The following FAS variants were observed in gnomAD, a reference collection of about 807,000 sequenced individuals.
The protein encoded by FAS is Fas cell surface death receptor.
FAS carries 5 observed loss-of-function variants against 33.2 expected under a neutral mutation model. The ratio of observed to expected loss-of-function variants is 0.15; its 90% CI spans 0.08 to 0.32. The LOEUF is 0.32. Ranked by LOEUF, FAS falls within the 10% of genes least tolerant of loss-of-function variation. The pLI is 1.00. For missense variants in FAS, 339 were observed against 386.0 expected, an observed-to-expected ratio of 0.88 and a Z score of 1.02; for synonymous variants, 131 against 130.7, an observed-to-expected ratio of 1.00 and a Z score of -0.01.
intron 1 of FAS, among the ~76,000 whole-genome samples, chr10:88,970,828 C>A (rs999947877): frequency 1.3e-5 from 2 of 151,930 alleles, no homozygotes; most frequent in African/African-American, 4.8e-5. Context: ...TGTAACAAAC[C>A]TGCACGTTGT....
At chr10:88,972,824 C>T (rs1846479576) in intron 1 of FAS, among the ~76,000 whole-genome samples, 2 of 152,104 alleles carry the variant, frequency 1.3e-5, no homozygotes, top group African/African-American at 2.4e-5. Flanking sequence ...CAAAGTGAGA[C>T]CCCATTTATC....
upstream of FAS, among the ~76,000 whole-genome samples, chr10:88,988,431 TG>T (rs779787612): frequency 0.52 from 54,333 of 104,600 alleles, 11,990 homozygotes; most frequent in East Asian, 0.65. Context: ...TTTTTTTTTT[TG>T]TTTTGTTTTT....
At chr10:88,983,638 A>AAC (rs755182708), upstream of FAS, among the ~76,000 whole-genome samples, 3,622 of 102,368 alleles carry the variant, frequency 0.035, 129 homozygotes, top group African/African-American at 0.091. Context: ...AAAAAAAAAA[A>AAC]ACACACACAC....
Position 89,009,123 on chromosome 10 carries a change from T to C in FAS, c.443+126T>C, listed in dbSNP as rs531960089. 67 of 912,578 alleles carry C rather than the reference T, an allele frequency of 7.3e-5. No individual in the cohort carries two copies. In the East Asian group the frequency reaches 1.6e-3, roughly 22 times the overall value. 56.5% of individuals were successfully genotyped at this position (912,578 alleles called of 1,614,324 possible). On this transcript the variant is annotated intron_variant, in intron 4 of 8. Transcript: ENST00000652046. Reference sequence around the variant, plus strand: ...TAGTCCTGCTTTGCCTCCAAGCAACTAGATGACTGTTTGCTCATTTAAACA... The same window carrying C: ...TAGTCCTGCTTTGCCTCCAAGCAACCAGATGACTGTTTGCTCATTTAAACA...
At chr10:89,005,487 T>C (rs1306054549) in intron 2 of FAS, among the ~76,000 whole-genome samples, 1 of 152,170 alleles carries the variant, frequency 6.6e-6, no homozygotes, top group African/African-American at 2.4e-5. Context: ...ACTGCACACA[T>C]ATTTCATATA....
In FAS at chr10:89,015,414, T is replaced by G. The variant is rs1327849027; in HGVS notation, c.*964T>G. The G allele has an allele frequency of 1.5e-5, 8 of 531,104 alleles. No homozygotes were observed. The highest frequency in any genetic ancestry group is 9.3e-5 in the African/African-American group (5 of 53,730). 32.9% of individuals were successfully genotyped at this position (531,104 alleles called of 1,614,324 possible). A position where few individuals can be genotyped will look rare whatever the true frequency, so the allele number is the denominator to read the frequency against. On this transcript the variant is annotated 3_prime_UTR_variant, in exon 9 of 9. Transcript: ENST00000652046. Reference sequence around the variant, plus strand: ...CAAAGATGATAAAATAGATTCTTATTTTTCCCCCACCCCCGAAAATGTTCA... The same window carrying G: ...CAAAGATGATAAAATAGATTCTTATGTTTCCCCCACCCCCGAAAATGTTCA...
upstream of FAS, among the ~76,000 whole-genome samples, chr10:88,989,814 AG>A (rs1847058945): frequency 6.6e-6 from 1 of 152,210 alleles, no homozygotes; most frequent in South Asian, 2.1e-4. Flanking sequence ...ACGATGCCAA[AG>A]GAATACTGAA....
intron 1 of FAS, among the ~76,000 whole-genome samples, chr10:88,966,462 T>C (rs1248680761): frequency 6.6e-6 from 1 of 152,200 alleles, no homozygotes; most frequent in African/African-American, 2.4e-5. Context: ...CCTATTATTT[T>C]AATATCCTGT....
intron 2 of FAS, among the ~76,000 whole-genome samples, chr10:89,006,909 T>G (rs1427873493): frequency 6.6e-6 from 1 of 152,166 alleles, no homozygotes; most frequent in African/African-American, 2.4e-5. Flanking sequence ...AATGCAAATA[T>G]GTATATTATT....
chr10:89,006,121 T>C (rs1003467637), intron 2 of FAS, among the ~76,000 whole-genome samples: 3 of 152,386 alleles, frequency 2.0e-5, no homozygotes, highest in African/African-American at 7.2e-5. Context: ...TGGTTTACTG[T>C]ATCTCCATTA....
Position 88,964,286 on chromosome 10 carries a change from G to A in FAS, n.95-8896G>A, listed in dbSNP as rs576500479. 3.9e-5 allele frequency among the ~76,000 whole-genome samples: 6 copies of A among 152,248 alleles called. No individual in the cohort carries two copies. The South Asian group carries it at 8.3e-4, about 21-fold the overall frequency. ...AAGTTTATTAACAAATAGGCTTCAC[G>A]TATATATGGGAGATACCCAGGGAAT... On this transcript the variant is annotated intron_variant and non_coding_transcript_variant, in intron 1 of 3. Transcript: ENST00000688239.
chr10:88,983,572 A>G (rs145589162), upstream of FAS, among the ~76,000 whole-genome samples: 87 of 134,744 alleles, frequency 6.5e-4, no homozygotes, highest in East Asian at 5.8e-3. Flanking sequence ...CCTACTTTAC[A>G]GGGAGTTGTA....
chr10:88,989,887 C>A (rs762589773), upstream of FAS, among the ~76,000 whole-genome samples: 1 of 152,198 alleles, frequency 6.6e-6, no homozygotes, highest in Non-Finnish European at 1.5e-5. Context: ...ATGTCATTAT[C>A]CAAACATACC....
intron 6 of FAS, chr10:89,011,019 G>A (rs1848503548): frequency 4.6e-6 from 3 of 647,254 alleles, no homozygotes; most frequent in South Asian, 1.8e-5. Flanking sequence ...AACAGTTTTG[G>A]GGCATTGAGT....
chr10:88,976,071 A>G (rs1339197556), intron 2 of FAS, among the ~76,000 whole-genome samples: 1 of 152,192 alleles, frequency 6.6e-6, no homozygotes, highest in East Asian at 1.9e-4. Flanking sequence ...ACTATTATCA[A>G]TTAGTTATAG....
Position 89,007,638 on chromosome 10 carries a change from G to C in FAS, c.197-62G>C, listed in dbSNP as rs2031611. On this transcript the variant is annotated intron_variant, in intron 2 of 8. Coordinates refer to ENST00000652046, the MANE Select transcript of FAS (RefSeq NM_000043.6). ...TTTTATTGTCTGTCATCCCTCTATA[G>C]TTCCCACCCTGTTACCTGCCCGTGT... is the stretch of plus-strand genomic sequence containing the variant. The C allele has an allele frequency of 0.73, 1,169,693 of 1,596,690 alleles. 430,970 individuals are homozygous for C. Among genetic ancestry groups the C allele is most frequent in the East Asian group, 0.96 (42,601 of 44,214 alleles).
intron 1 of FAS, among the ~76,000 whole-genome samples, chr10:88,966,118 A>C (rs1406231945): frequency 6.6e-6 from 1 of 152,202 alleles, no homozygotes; most frequent in African/African-American, 2.4e-5. Context: ...GATTTCTGGC[A>C]TGGGGCCTAG....
chr10:88,977,537 C>G (rs1462711234), intron 2 of FAS, among the ~76,000 whole-genome samples: 1 of 151,982 alleles, frequency 6.6e-6, no homozygotes, highest in Non-Finnish European at 1.5e-5. Context: ...ACAATGAACT[C>G]AAACAAATTT....
intron 2 of FAS, chr10:88,975,223 G>A (rs750313778): frequency 2.6e-5 from 4 of 151,834 alleles, no homozygotes; most frequent in Non-Finnish European, 4.4e-5. Context: ...ATCTTTGAAT[G>A]CTTGGCTATT....
Sources: gnomAD v4.1 joint callset for allele counts (sites outside exome capture counted in the v4.1 genomes callset) on GRCh38, gnomAD v4.1.1 for gene constraint, MANE v1.5 for transcripts, NCBI Gene and HGNC (gene_info 2026-07-23, HGNC 2026-07-21) for gene names.